AGMO: variants seen among roughly 807,000 people sequenced by gnomAD.
The protein encoded by AGMO is alkylglycerol monooxygenase.
AGMO carries 75 observed loss-of-function variants against 60.2 expected under a neutral mutation model. The observed-to-expected ratio is 1.25, with a 90% CI of 1.03 to 1.51. AGMO has a LOEUF of 1.51. AGMO is among the 40% of genes most tolerant of loss of function. The pLI, the probability that AGMO is intolerant of heterozygous loss-of-function variation, is 0.00. For synonymous variants in AGMO, 261 were observed against 177.1 expected, an observed-to-expected ratio of 1.47 and a Z score of -3.76; for missense variants, 763 against 525.5, an observed-to-expected ratio of 1.45 and a Z score of -4.42.
At chr7:15,376,902 G>A (rs974067217) in intron 10 of AGMO, among the ~76,000 whole-genome samples, 3 of 152,150 alleles carry the variant, frequency 2.0e-5, no homozygotes, top group South Asian at 4.1e-4. Flanking sequence ...AGAAAGGAAT[G>A]TGTCTCTTAC....
At chr7:15,209,723 G>C (rs56938141) in intron 12 of AGMO, among the ~76,000 whole-genome samples, 19,328 of 152,128 alleles carry the variant, frequency 0.13, 1,548 homozygotes, top group East Asian at 0.33. Flanking sequence ...GGTATACAGA[G>C]TCTTGACTGA....
chr7:15,272,562 C>T lies in AGMO; in HGVS notation c.1264-71203G>A, dbSNP rs541096218. On this transcript the variant is annotated intron_variant, in intron 12 of 12. Coordinates refer to ENST00000342526, the MANE Select transcript of AGMO (RefSeq NM_001004320.2). ...CATTTGGGTTGGTTCCAAGTCTTTG[C>T]TATTGTGAATAGTGCCACAATAAAT... Among the ~76,000 whole-genome samples the T allele has an allele frequency of 2.9e-3, 439 of 152,174 alleles. 3 individuals carry two copies. Among genetic ancestry groups the T allele is most frequent in the African/African-American group, 0.01 (419 of 41,496 alleles).
intron 3 of AGMO, among the ~76,000 whole-genome samples, chr7:15,488,772 C>A (rs2128520129): frequency 6.6e-6 from 1 of 151,880 alleles, no homozygotes; most frequent in South Asian, 2.1e-4. Flanking sequence ...CATATTTGTG[C>A]CCAAGCTTAG....
At chr7:15,524,706 T>C (rs1784078720) in intron 3 of AGMO, among the ~76,000 whole-genome samples, 1 of 106,918 alleles carries the variant, frequency 9.4e-6, no homozygotes, top group Non-Finnish European at 1.9e-5. Flanking sequence ...CTACTAAAAA[T>C]ACAAAAATTA....
At chr7:15,291,498 G>C (rs1784262804) in intron 12 of AGMO, among the ~76,000 whole-genome samples, 1 of 151,918 alleles carries the variant, frequency 6.6e-6, no homozygotes. Context: ...AGTATTCTTT[G>C]TTTGCTTAAA....
chr7:15,538,210 A>G (rs79767872), intron 3 of AGMO, among the ~76,000 whole-genome samples: 3,964 of 152,198 alleles, frequency 0.026, 156 homozygotes, highest in African/African-American at 0.089. Flanking sequence ...TAAGTGATCC[A>G]CTAAGAATAC....
chr7:15,430,420 C>G (rs545368338), intron 4 of AGMO, among the ~76,000 whole-genome samples: 110 of 151,690 alleles, frequency 7.3e-4, no homozygotes, highest in Non-Finnish European at 1.5e-3. Context: ...TCAAGTAGAT[C>G]AGGATTTCCC....
At chr7:15,234,053 C>G (rs1159000388) in intron 12 of AGMO, among the ~76,000 whole-genome samples, 1 of 151,988 alleles carries the variant, frequency 6.6e-6, no homozygotes, top group Non-Finnish European at 1.5e-5. Context: ...CGTCTCAACA[C>G]AAACAAACAA....
chr7:15,560,649 C>T (rs1256246563), intron 1 of AGMO, among the ~76,000 whole-genome samples: 1 of 152,162 alleles, frequency 6.6e-6, no homozygotes, highest in African/African-American at 2.4e-5. Flanking sequence ...CTTCAAGAGG[C>T]TTTCCTTAAA....
At chr7:15,419,357 T>A (rs1780865883) in intron 4 of AGMO, among the ~76,000 whole-genome samples, 1 of 151,990 alleles carries the variant, frequency 6.6e-6, no homozygotes, top group Admixed American at 6.6e-5. Flanking sequence ...CTAATGACTT[T>A]GATCCCCAAG....
At chr7:15,278,367 C>A (rs544656247) in intron 12 of AGMO, among the ~76,000 whole-genome samples, 1 of 152,164 alleles carries the variant, frequency 6.6e-6, no homozygotes, top group Admixed American at 6.5e-5. Context: ...TTGGAATGGG[C>A]TAGGCAATTC....
At position 15,366,080 on chromosome 7, in the gene AGMO, T is replaced by G. The variant is rs1782964860; in HGVS notation, c.1157+60A>C. The G allele has an allele frequency of 3.8e-6, 5 of 1,300,276 alleles. 1 individual carries two copies. Among genetic ancestry groups the G allele is most frequent in the Middle Eastern group, 3.7e-4 (2 of 5,464 alleles). The allele number at this position is 1,300,276 out of a possible 1,614,324, so 80.5% of individuals were successfully genotyped here. On this transcript the variant is annotated intron_variant, in intron 11 of 12. Transcript: ENST00000342526. Reference sequence around the variant, plus strand: ...ACATAATATACTGGTATTTTACCACTCTGTGGAAAATTCTTGAATTGAGTA... The same window carrying G: ...ACATAATATACTGGTATTTTACCACGCTGTGGAAAATTCTTGAATTGAGTA...
At chr7:15,545,908 G>T (rs1424097532) in intron 2 of AGMO, among the ~76,000 whole-genome samples, 4 of 151,774 alleles carry the variant, frequency 2.6e-5, no homozygotes, top group African/African-American at 9.7e-5. Context: ...AGTTAATAAA[G>T]ATATATTTAT....
At chr7:15,511,017 C>T (rs773657964) in intron 3 of AGMO, among the ~76,000 whole-genome samples, 22 of 151,854 alleles carry the variant, frequency 1.4e-4, no homozygotes, top group Admixed American at 3.3e-4. Context: ...AGATACACAA[C>T]ACTTCTAATG....
chr7:15,155,175 G>C, the AGMO span, among the ~76,000 whole-genome samples: 1 of 152,070 alleles, frequency 6.6e-6, no homozygotes, highest in Non-Finnish European at 1.5e-5. Context: ...TTCATGGACA[G>C]TATCCTCAAA....
intron 3 of AGMO, among the ~76,000 whole-genome samples, chr7:15,540,148 C>A (rs1293971999): frequency 2.0e-5 from 3 of 152,048 alleles, no homozygotes; most frequent in Non-Finnish European, 4.4e-5. Context: ...GAGAGAGAAC[C>A]AAGCAGGTAC....
At position 15,366,329 on chromosome 7, in the gene AGMO, A is replaced by C. The variant is rs1043803174; in HGVS notation, c.1075-107T>G. The C allele has an allele frequency of 3.8e-4, 255 of 677,738 alleles. 1 individual carries two copies. Among genetic ancestry groups the C allele is most frequent in the Non-Finnish European group, 1.5e-5 (6 of 404,284 alleles). The allele number at this position is 677,738 out of a possible 1,614,324, so 42.0% of individuals were successfully genotyped here. On this transcript the variant is annotated intron_variant, in intron 10 of 12. Coordinates refer to ENST00000342526, the MANE Select transcript of AGMO (RefSeq NM_001004320.2). The stretch of plus-strand genomic sequence containing the variant: ...CCCAAATTTTATGTCCTGTTGCACC[A>C]CTTGTCATTGACACTTTACAGAAAG...
At chr7:15,407,268 T>C (rs1450175622) in intron 5 of AGMO, among the ~76,000 whole-genome samples, 2 of 148,318 alleles carry the variant, frequency 1.3e-5, no homozygotes, top group Admixed American at 6.8e-5. Flanking sequence ...CTTATATGTA[T>C]ACTCCATTAT....
intron 12 of AGMO, among the ~76,000 whole-genome samples, chr7:15,218,318 G>GGTGT (rs1352965136): frequency 7.9e-4 from 85 of 108,230 alleles, no homozygotes; most frequent in African/African-American, 1.9e-3. Context: ...TATTGACTAT[G>GGTGT]GTGTGTGTAT....
Sources: allele counts gnomAD v4.1 joint callset (sites outside exome capture counted in the v4.1 genomes callset), GRCh38; gene constraint gnomAD v4.1.1; transcripts MANE v1.5; gene names NCBI Gene and HGNC (gene_info 2026-07-23, HGNC 2026-07-21).